TBX5: variants seen among roughly 807,000 people sequenced by gnomAD.
The protein encoded by TBX5 is T-box transcription factor 5.
Under a neutral mutation model 51.1 loss-of-function variants are expected in TBX5, and 8 were observed. That is an observed-to-expected ratio of 0.16 (90% CI 0.09 to 0.28). The LOEUF is 0.28. Among genes scored for constraint, TBX5 ranks in the 10% least tolerant of loss-of-function variants. TBX5 has a pLI of 1.00. For synonymous variants in TBX5, 302 were observed against 266.4 expected, an observed-to-expected ratio of 1.13 and a Z score of -1.30; for missense variants, 589 against 671.7, an observed-to-expected ratio of 0.88 and a Z score of 1.36.
chr12:114,383,875 C>T (rs1346255343), intron 7 of TBX5, among the ~76,000 whole-genome samples: 1 of 152,146 alleles, frequency 6.6e-6, no homozygotes, highest in African/African-American at 2.4e-5. Flanking sequence ...CTTCAGCTCC[C>T]ACCTGCACAG....
chr12:114,395,552 G>A (rs766751889), intron 5 of TBX5, among the ~76,000 whole-genome samples: 1 of 151,974 alleles, frequency 6.6e-6, no homozygotes, highest in African/African-American at 2.4e-5. Context: ...CAAGGATGTC[G>A]GCTCATAAGG....
rs189361635 is a variant in TBX5, at chr12:114,400,903, G to C, written c.242+923C>G. 3.4e-3 allele frequency among the ~76,000 whole-genome samples: 525 copies of C among 152,282 alleles called. 5 individuals are homozygous for C. The highest frequency in any genetic ancestry group is 0.012 in the African/African-American group (483 of 41,558). ...GGCTTCGGCTGGAGAACGGGGGCGG[G>C]GGGCGTCTGGAAAGGCGGCTCCACC... On this transcript the variant is annotated intron_variant, in intron 3 of 8. Coordinates refer to ENST00000405440, the MANE Select transcript of TBX5 (RefSeq NM_181486.4).
intron 7 of TBX5, among the ~76,000 whole-genome samples, chr12:114,370,298 A>AC (rs1869813271): frequency 6.7e-5 from 9 of 134,434 alleles, no homozygotes; most frequent in Non-Finnish European, 1.0e-4. Flanking sequence ...GAAAGAAAAG[A>AC]AAAGAAAAGA....
Position 114,355,589 on chromosome 12 carries a change from A to G in TBX5, c.1500T>C (p.His500=). 1 of 1,614,086 alleles carries G rather than the reference A, an allele frequency of 6.2e-7. No homozygotes were observed. Among genetic ancestry groups the G allele is most frequent in the Non-Finnish European group, 8.5e-7 (1 of 1,180,024 alleles). ...CAACTCCGTGCACAGAGTGGTACTG[A>G]TGAGGGGATAGAGTCCTTGGCACGC... ...SHGVPRTLSP[H]QYHSVHGVGM... Residue 500 remains histidine (H), a synonymous_variant, in exon 9 of 9, where the codon CAT becomes CAC. Transcript: ENST00000405440.
At chr12:114,385,800 C>A (rs982525455) in intron 6 of TBX5, among the ~76,000 whole-genome samples, 1 of 150,460 alleles carries the variant, frequency 6.6e-6, no homozygotes, top group African/African-American at 2.4e-5. Flanking sequence ...TTGGTTTGCC[C>A]ATTAATTGGA....
rs201105444 is a variant in TBX5, at chr12:114,356,118, G to A, written c.983-12C>T. The A allele has an allele frequency of 4.4e-6, 7 of 1,607,164 alleles. No homozygotes were observed. In the East Asian group the frequency reaches 1.3e-4, roughly 31 times the overall value. The stretch of plus-strand genomic sequence containing the variant: ...GGAACATTCTTCCTCTGTGAAGACA[G>A]GAGAGACAGCAGTGAGGCCAGGAGC... On this transcript the variant is annotated splice_polypyrimidine_tract_variant and intron_variant, in intron 8 of 8. Transcript: ENST00000405440.
intron 5 of TBX5, among the ~76,000 whole-genome samples, chr12:114,395,496 T>G (rs1341361557): frequency 1.3e-5 from 2 of 151,890 alleles, no homozygotes; most frequent in African/African-American, 4.8e-5. Context: ...CAAAGCAGAG[T>G]TCGTGAAAAG....
intron 2 of TBX5, among the ~76,000 whole-genome samples, chr12:114,403,297 G>A (rs992585218): frequency 2.6e-5 from 4 of 152,244 alleles, no homozygotes; most frequent in Non-Finnish European, 5.9e-5. Flanking sequence ...GAGGAGGCGG[G>A]AGGAGGCGAA....
intron 7 of TBX5, among the ~76,000 whole-genome samples, chr12:114,384,382 C>T (rs1439524860): frequency 6.6e-6 from 1 of 152,024 alleles, no homozygotes; most frequent in African/African-American, 2.4e-5. Context: ...TTCAAGAAAT[C>T]CTCCTGCCTC....
chr12:114,362,619 T>C (rs1246784082), intron 8 of TBX5, among the ~76,000 whole-genome samples: 1 of 152,222 alleles, frequency 6.6e-6, no homozygotes, highest in Non-Finnish European at 1.5e-5. Flanking sequence ...TGATATTCCT[T>C]AACACTTTGC....
At chr12:114,385,206 G>A (rs1004082847) in intron 7 of TBX5, among the ~76,000 whole-genome samples, 1 of 152,090 alleles carries the variant, frequency 6.6e-6, no homozygotes, top group East Asian at 1.9e-4. Flanking sequence ...AGAAAGCTGT[G>A]CCTTTTGTTC....
At chr12:114,361,204 G>A (rs1039723901) in intron 8 of TBX5, among the ~76,000 whole-genome samples, 8 of 152,270 alleles carry the variant, frequency 5.3e-5, no homozygotes, top group Non-Finnish European at 1.2e-4. Flanking sequence ...GAGATGGGTG[G>A]CATCTCCCCT....
intron 7 of TBX5, among the ~76,000 whole-genome samples, chr12:114,382,388 G>A (rs1870550486): frequency 6.6e-6 from 1 of 152,202 alleles, no homozygotes; most frequent in Non-Finnish European, 1.5e-5. Context: ...AGTTGGCCAG[G>A]GGCTGTGGGT....
chr12:114,383,021 T>C (rs1177630097), intron 7 of TBX5, among the ~76,000 whole-genome samples: 1 of 150,658 alleles, frequency 6.6e-6, no homozygotes, highest in Non-Finnish European at 1.5e-5. Context: ...ACTCCCTTGA[T>C]GACTGACATC....
rs140532076 is a variant in TBX5 at position 114,354,859 on chromosome 12, G to A, written c.*673C>T. 4.4e-3 allele frequency: 687 copies of A among 156,186 alleles called. 3 individuals are homozygous for A. Among genetic ancestry groups the A allele is most frequent in the Non-Finnish European group, 7.6e-3 (534 of 70,584 alleles). The allele number at this position is 156,186 out of a possible 1,614,324, so 9.7% of individuals were successfully genotyped here. A position where few individuals can be genotyped will look rare whatever the true frequency, so the allele number is the denominator to read the frequency against. ...CATGGGTAAGTAGAGGCAAAACTGAGCACGTGATATTGGAGAAGGCAGGAC... is the reference window on the plus strand; with the variant it reads ...CATGGGTAAGTAGAGGCAAAACTGAACACGTGATATTGGAGAAGGCAGGAC... On this transcript the variant is annotated 3_prime_UTR_variant, in exon 9 of 9. Transcript: ENST00000405440.
At chr12:114,402,287 A>T (rs139877645) in intron 2 of TBX5, among the ~76,000 whole-genome samples, 1,702 of 152,292 alleles carry the variant, frequency 0.011, 32 homozygotes, top group African/African-American at 0.038. Context: ...AACCAAAAAA[A>T]AAAAACCAGA....
chr12:114,366,322 G>A lies in TBX5; in HGVS notation c.825C>T (p.Ser275=). 1 of 1,614,092 alleles carries A rather than the reference G, an allele frequency of 6.2e-7. No homozygotes were observed. Among genetic ancestry groups the A allele is most frequent in the African/African-American group, 1.3e-5 (1 of 75,030 alleles). Residue 275 remains serine, a synonymous_variant, in exon 8 of 9, where the codon AGC becomes AGT. Coordinates refer to ENST00000405440, the MANE Select transcript of TBX5 (RefSeq NM_181486.4). ...QKVASNHSPF[S]SESRALSTSS... ...AGGTGGAGAGAGCTCGAGACTCGCT[G>A]CTGAAAGGACTGTGGTTGGAGGCCA...
At chr12:114,386,217 T>C (rs754509061) in intron 6 of TBX5, among the ~76,000 whole-genome samples, 2 of 152,204 alleles carry the variant, frequency 1.3e-5, no homozygotes, top group Non-Finnish European at 2.9e-5. Flanking sequence ...GGTTTCTCTC[T>C]TGGAAATCTG....
In TBX5 at chr12:114,403,918, GC is replaced by G. The variant is rs750305087; in HGVS notation, c.-21del. Reference sequence around the variant, plus strand: ...GGCCATGGTGCGCCCAGGGCCCTGTGCCCGCGCAAGGTTCTGCTCTGAGGAC... The same window carrying G: ...GGCCATGGTGCGCCCAGGGCCCTGTGCCGCGCAAGGTTCTGCTCTGAGGAC... On this transcript the variant is annotated 5_prime_UTR_variant, in exon 2 of 9. Transcript: ENST00000405440. 1.4e-5 allele frequency: 22 copies of G among 1,608,554 alleles called. No homozygotes were observed. The African/African-American group carries it at 2.8e-4, about 20-fold the overall frequency.
Sources: allele counts gnomAD v4.1 joint callset (sites outside exome capture counted in the v4.1 genomes callset), GRCh38; gene constraint gnomAD v4.1.1; transcripts MANE v1.5; gene names NCBI Gene and HGNC (gene_info 2026-07-23, HGNC 2026-07-21).